Variants in PPM1B observed in about 807,000 individuals in gnomAD.
PPM1B encodes the protein protein phosphatase 1B.
A neutral mutation model predicts 43.0 loss-of-function variants in PPM1B; 22 were observed. The observed-to-expected ratio is 0.51, with a 90% confidence interval of 0.37 to 0.73. The LOEUF is 0.73. Among genes scored for constraint, PPM1B ranks in the 30% least tolerant of loss-of-function variants. The probability of loss-of-function intolerance (pLI) is 0.00; values close to 1 mark genes in which losing one functional copy is unlikely to be tolerated. For missense variants in PPM1B, 632 were observed against 584.2 expected (o/e 1.08, Z -0.84); for synonymous variants, 217 against 197.9 (o/e 1.10, Z -0.81).
At chr2:44,206,166 AC>A (rs1669179718) in intron 2 of PPM1B, among the ~76,000 whole-genome samples, 1 of 152,220 alleles carries the variant, frequency 6.6e-6, no homozygotes, top group Non-Finnish European at 1.5e-5. Context: ...AGTAAAAAGA[AC>A]ATGTAATAAT....
chr2:44,190,539 C>T (rs1301141452), intron 1 of PPM1B, among the ~76,000 whole-genome samples: 2 of 152,032 alleles, frequency 1.3e-5, no homozygotes, highest in Non-Finnish European at 1.5e-5. Context: ...GCTTTTCTCC[C>T]CTTTGCTTGT....
chr2:44,182,058 A>G (rs1667899993), intron 1 of PPM1B, among the ~76,000 whole-genome samples: 1 of 152,140 alleles, frequency 6.6e-6, no homozygotes, highest in Non-Finnish European at 1.5e-5. Flanking sequence ...GCCACAAAGT[A>G]CCTTATTTTG....
chr2:44,214,411 A>G lies in PPM1B; in HGVS notation c.965-3556A>G, dbSNP rs952702102. Among the ~76,000 whole-genome samples the G allele has an allele frequency of 2.6e-5, 4 of 151,710 alleles. 1 individual carries two copies. In the Middle Eastern group the frequency reaches 0.014, roughly 516 times the overall value. On this transcript the variant is annotated intron_variant, in intron 3 of 5. Transcript: ENST00000282412. The stretch of plus-strand genomic sequence containing the variant: ...TTCTTAAATAAATTGTTACAAAAAA[A>G]GCTTATTGATGACACTTGTTAAAGA...
At chr2:44,242,744 C>G (rs949230718) in intron 5 of PPM1B, among the ~76,000 whole-genome samples, 1 of 151,748 alleles carries the variant, frequency 6.6e-6, no homozygotes, top group African/African-American at 2.4e-5. Flanking sequence ...TTATTGTAAG[C>G]CTGCTCACAC....
chr2:44,175,219 A>T (rs564164092), intron 1 of PPM1B, among the ~76,000 whole-genome samples: 1 of 152,322 alleles, frequency 6.6e-6, no homozygotes, highest in East Asian at 1.9e-4. Flanking sequence ...GCGCCACTGC[A>T]TTCCAGCCTG....
intron 2 of PPM1B, among the ~76,000 whole-genome samples, chr2:44,206,259 A>G (rs569598967): frequency 1.3e-5 from 2 of 152,354 alleles, no homozygotes; most frequent in South Asian, 4.1e-4. Context: ...GGACTTAGTG[A>G]AAACTTTATA....
intron 1 of PPM1B, among the ~76,000 whole-genome samples, chr2:44,197,334 A>C (rs1668710894): frequency 1.3e-5 from 2 of 152,088 alleles, no homozygotes; most frequent in Admixed American, 1.3e-4. Flanking sequence ...GTCCAGGCTG[A>C]TCTCGAACTC....
At chr2:44,211,936 A>G (rs184469915) in intron 3 of PPM1B, among the ~76,000 whole-genome samples, 140 of 151,912 alleles carry the variant, frequency 9.2e-4, no homozygotes, top group Admixed American at 6.7e-3. Context: ...TTTAGTAGAG[A>G]GGGGGTTTCT....
exon 6 of PPM1B, chr2:44,244,355 G>T (rs770264646): frequency 7.4e-7 from 1 of 1,357,424 alleles, no homozygotes; most frequent in South Asian, 1.1e-5. Context: ...AAACCCGAAC[G>T]AAAAATAAAC....
chr2:44,241,701 C>G (rs1670748094), intron 5 of PPM1B, among the ~76,000 whole-genome samples: 1 of 151,610 alleles, frequency 6.6e-6, no homozygotes, highest in African/African-American at 2.4e-5. Context: ...CACTGCACTC[C>G]AGCTTGGATG....
chr2:44,222,204 C>A (rs1156500167), intron 5 of PPM1B, among the ~76,000 whole-genome samples: 2 of 151,924 alleles, frequency 1.3e-5, no homozygotes, highest in African/African-American at 4.8e-5. Context: ...AGATCTGGGA[C>A]TTGATCTGAT....
intron 1 of PPM1B, among the ~76,000 whole-genome samples, chr2:44,188,589 A>G (rs1409812817): frequency 2.0e-5 from 3 of 151,088 alleles, no homozygotes; most frequent in Non-Finnish European, 4.4e-5. Context: ...TAGAGTTGGG[A>G]CTTGCTGTGT....
chr2:44,229,650 A>G (rs528811335), intron 5 of PPM1B, among the ~76,000 whole-genome samples: 1 of 152,200 alleles, frequency 6.6e-6, no homozygotes, highest in Non-Finnish European at 1.5e-5. Flanking sequence ...ACATGACTGT[A>G]CTTTATAATG....
chr2:44,177,491 T>C (rs1667636803), intron 1 of PPM1B, among the ~76,000 whole-genome samples: 1 of 145,824 alleles, frequency 6.9e-6, no homozygotes, highest in Non-Finnish European at 1.5e-5. Flanking sequence ...TGATCTCGGC[T>C]CACTGCAGCC....
chr2:44,234,103 AT>A (rs1156326011), downstream of PPM1B: 1 of 967,232 alleles, frequency 1.0e-6, no homozygotes, highest in African/African-American at 1.8e-5. Context: ...TTTTAATGTT[AT>A]TTTAAACTTC....
chr2:44,198,847 A>G (rs1668785480), intron 1 of PPM1B, among the ~76,000 whole-genome samples: 1 of 152,212 alleles, frequency 6.6e-6, no homozygotes, highest in Non-Finnish European at 1.5e-5. Flanking sequence ...AGTGTCTGGC[A>G]TTTGTAATTA....
At chr2:44,212,380 C>T (rs2104193239) in intron 3 of PPM1B, among the ~76,000 whole-genome samples, 1 of 152,308 alleles carries the variant, frequency 6.6e-6, no homozygotes, top group Non-Finnish European at 1.5e-5. Flanking sequence ...TTGCCCATCC[C>T]AGTTCACCCT....
At chr2:44,234,096 T>TA (rs551024667), downstream of PPM1B, 1,468 of 967,890 alleles carry the variant, frequency 1.5e-3, 1 homozygote, top group Admixed American at 1.8e-3. Flanking sequence ...ATTCAGTTTT[T>TA]AATGTTATTT....
At chr2:44,237,658 A>G (rs115675996), downstream of PPM1B, among the ~76,000 whole-genome samples, 3 of 152,340 alleles carry the variant, frequency 2.0e-5, no homozygotes, top group Non-Finnish European at 4.4e-5. Context: ...CTAGTCTATA[A>G]TATTGGCAAC....
Sources: gnomAD v4.1 joint callset for allele counts (sites outside exome capture counted in the v4.1 genomes callset) on GRCh38, gnomAD v4.1.1 for gene constraint, MANE v1.5 for transcripts, NCBI Gene and HGNC (gene_info 2026-07-23, HGNC 2026-07-21) for gene names.